Variants in MET observed in about 807,000 individuals in gnomAD.
The protein encoded by MET is MET proto-oncogene, receptor tyrosine kinase.
A neutral mutation model predicts 133.1 loss-of-function variants in MET; 48 were observed. The observed-to-expected ratio is 0.36, with a 90% CI of 0.29 to 0.46. MET has a LOEUF of 0.46. Among genes scored for constraint, MET ranks in the 20% least tolerant of loss-of-function variants. MET has a pLI of 1.00. For missense variants in MET, 1,442 were observed against 1,695.9 expected (o/e 0.85, Z 2.63); for synonymous variants, 628 against 616.5 (o/e 1.02, Z -0.28).
rs1584947097 is a variant in MET at position 116,763,230 on chromosome 7, A to G, written c.2545A>G (p.Met849Val). The change falls in exon 11 of 21, where the codon ATG becomes GTG. Residue 849 changes from methionine to valine, a missense_variant. Coordinates refer to ENST00000397752, the MANE Select transcript of MET (RefSeq NM_000245.4). The stretch of plus-strand genomic sequence containing the variant: ...GTTTAAGCCTTTTGAAAAGCCAGTG[A>G]TGATCTCAATGGGCAATGAAAATGT... Reference protein sequence around the residue: ...PVFKPFEKPVMISMGNENVLE... With the variant: ...PVFKPFEKPVVISMGNENVLE... The G allele has an allele frequency of 6.2e-7, 1 of 1,613,948 alleles. No homozygotes were observed. The highest frequency in any genetic ancestry group is 8.5e-7 in the Non-Finnish European group (1 of 1,179,916).
chr7:116,754,993 A>AAAGAAAG (rs1794108803), intron 5 of MET, among the ~76,000 whole-genome samples: 2 of 145,812 alleles, frequency 1.4e-5, no homozygotes, highest in Admixed American at 1.4e-4. Context: ...GGAAAGAAAG[A>AAAGAAAG]AAGAAAGAAA....
intron 3 of MET, 25 bp from the exon 4 acceptor site, chr7:116,739,925 A>T (rs1364738119): frequency 1.2e-6 from 2 of 1,613,948 alleles, no homozygotes; most frequent in Admixed American, 1.7e-5. Context: ...TGGAATAAGG[A>T]TGTTATAACT....
intron 3 of MET, among the ~76,000 whole-genome samples, chr7:116,733,403 A>C (rs1793097023): frequency 6.6e-6 from 1 of 151,974 alleles, no homozygotes; most frequent in Admixed American, 6.6e-5. Flanking sequence ...TGTATGAATA[A>C]GCTTTTTATG....
At position 116,796,325 on chromosome 7, in the gene MET, C is replaced by T. The variant is rs1129355; in HGVS notation, c.*201C>T. 385 of 612,946 alleles carry T rather than the reference C, an allele frequency of 6.3e-4. 2 individuals carry two copies. The highest frequency in any genetic ancestry group is 6.0e-3 in the African/African-American group (327 of 54,626). The allele number at this position is 612,946 out of a possible 1,614,324, so 38.0% of individuals were successfully genotyped here. On this transcript the variant is annotated 3_prime_UTR_variant, in exon 21 of 21. Transcript: ENST00000397752. ...ACCAGAGGCTTGGTCCCACAGGCCA[C>T]GGACCAATGGCCTGCAGCCGTGACA...
chr7:116,757,951 T>C (rs1459090140), intron 8 of MET, 177 bp downstream of exon 8: 1 of 688,552 alleles, frequency 1.5e-6, no homozygotes, highest in African/African-American at 1.8e-5. Context: ...TTTTGCTGAT[T>C]TTTCTTCCTT....
intron 2 of MET, among the ~76,000 whole-genome samples, chr7:116,719,301 G>A (rs1231272435): frequency 6.6e-6 from 1 of 150,904 alleles, no homozygotes; most frequent in African/African-American, 2.4e-5. Flanking sequence ...CTTTTGAGAA[G>A]TGTCTGTTCA....
chr7:116,721,187 A>G (rs1056434556), intron 2 of MET, among the ~76,000 whole-genome samples: 12 of 152,208 alleles, frequency 7.9e-5, no homozygotes, highest in Non-Finnish European at 5.9e-5. Flanking sequence ...CTATTCACAG[A>G]TTCTACTTCT....
intron 17 of MET, among the ~76,000 whole-genome samples, chr7:116,780,066 C>T (rs1253024374): frequency 6.6e-6 from 1 of 152,172 alleles, no homozygotes; most frequent in Non-Finnish European, 1.5e-5. Flanking sequence ...ACACCTAAAA[C>T]AGTGTTTAGC....
intron 1 of MET, among the ~76,000 whole-genome samples, chr7:116,695,501 G>A (rs1796930798): frequency 6.6e-6 from 1 of 152,192 alleles, no homozygotes; most frequent in Admixed American, 6.5e-5. Flanking sequence ...GGGACTCAGA[G>A]GTGGGTGATT....
intron 1 of MET, among the ~76,000 whole-genome samples, chr7:116,673,155 G>A (rs2116421505): frequency 6.6e-6 from 1 of 152,326 alleles, no homozygotes; most frequent in South Asian, 2.1e-4. Context: ...CAGAGGCTGA[G>A]CGATGTGGCC....
At chr7:116,724,993 C>A in intron 2 of MET, 1 of 624,726 alleles carries the variant, frequency 1.6e-6, no homozygotes, top group Non-Finnish European at 2.3e-6. Flanking sequence ...CTCATCAATG[C>A]CTCCCTGGGG....
chr7:116,775,824 G>C lies in MET; in HGVS notation c.3259+713G>C, dbSNP rs192340739. 1.1e-4 allele frequency among the ~76,000 whole-genome samples: 16 copies of C among 152,248 alleles called. No individual in the cohort carries two copies. The East Asian group carries it at 3.1e-3, about 29-fold the overall frequency. On this transcript the variant is annotated intron_variant, in intron 15 of 20. Transcript: ENST00000397752. Reference sequence around the variant, plus strand: ...ACAGTGACAAACTCTATGAAGCCTGGTTTATAGCAGTTTGTACACTGCTGG... The same window carrying C: ...ACAGTGACAAACTCTATGAAGCCTGCTTTATAGCAGTTTGTACACTGCTGG...
chr7:116,700,499 T>C (rs1215212193), intron 2 of MET, among the ~76,000 whole-genome samples: 1 of 152,150 alleles, frequency 6.6e-6, no homozygotes, highest in African/African-American at 2.4e-5. Flanking sequence ...AAGAAAAATG[T>C]TTTTACAATT....
At chr7:116,791,277 C>G (rs1048445609) in intron 19 of MET, among the ~76,000 whole-genome samples, 2 of 152,124 alleles carry the variant, frequency 1.3e-5, no homozygotes, top group Non-Finnish European at 2.9e-5. Flanking sequence ...AAACTGCCAA[C>G]TATTTTTCAA....
At chr7:116,683,604 C>G (rs765292036) in intron 1 of MET, among the ~76,000 whole-genome samples, 6 of 152,172 alleles carry the variant, frequency 3.9e-5, no homozygotes, top group Non-Finnish European at 7.3e-5. Context: ...CTCAGTTTCT[C>G]TACTTTCTTC....
intron 10 of MET, among the ~76,000 whole-genome samples, chr7:116,760,107 A>G (rs1417404534): frequency 2.6e-5 from 4 of 152,174 alleles, no homozygotes. Flanking sequence ...CAGTCAGTAC[A>G]AATGGAAATC....
chr7:116,770,411 GT>G (rs1382583306), intron 12 of MET, among the ~76,000 whole-genome samples: 13 of 152,142 alleles, frequency 8.5e-5, no homozygotes, highest in South Asian at 6.2e-4. Context: ...TTGAATTGAG[GT>G]AAAATATACA....
At chr7:116,754,888 AAAGAG>A (rs1794069579) in intron 5 of MET, among the ~76,000 whole-genome samples, 3 of 121,756 alleles carry the variant, frequency 2.5e-5, no homozygotes, top group Non-Finnish European at 5.1e-5. Context: ...AGAGAGAGAG[AAAGAG>A]AGAAAGAAAG....
chr7:116,759,365 G>A lies in MET; in HGVS notation c.2265-26G>A, dbSNP rs552953455. ...TTGGTGGAAAGAACCTCTCAACATT[G>A]TCAGTTTTCTATTTTGCTTTGCCAG... On this transcript the variant is annotated intron_variant, in intron 9 of 20. Transcript: ENST00000397752. 3 of 1,608,394 alleles carry A rather than the reference G, an allele frequency of 1.9e-6. No individual in the cohort carries two copies. Among genetic ancestry groups the A allele is most frequent in the South Asian group, 1.1e-5 (1 of 89,596 alleles).
Sources: gnomAD v4.1 joint callset for allele counts (sites outside exome capture counted in the v4.1 genomes callset) on GRCh38, gnomAD v4.1.1 for gene constraint, MANE v1.5 for transcripts, NCBI Gene and HGNC (gene_info 2026-07-23, HGNC 2026-07-21) for gene names.